Variants in FRMD4A observed in about 807,000 individuals in gnomAD.
FRMD4A encodes FERM domain containing 4A.
In FRMD4A, 29 loss-of-function variants were observed where a neutral mutation model predicts 129.1. That is an observed-to-expected ratio of 0.22 (90% CI 0.17 to 0.31). FRMD4A has a LOEUF of 0.31. Among genes scored for constraint, FRMD4A ranks in the 10% least tolerant of loss-of-function variants. FRMD4A has a pLI of 1.00. For missense variants in FRMD4A, 1,272 were observed against 1,375.8 expected (o/e 0.92, Z 1.19); for synonymous variants, 634 against 571.6 (o/e 1.11, Z -1.56).
chr10:13,660,956 G>A (rs749665120), intron 19 of FRMD4A, among the ~76,000 whole-genome samples: 1 of 152,118 alleles, frequency 6.6e-6, no homozygotes, highest in Non-Finnish European at 1.5e-5. Context: ...TCTGAGTTCT[G>A]GGAGAGTTTT....
chr10:13,702,690 G>A (rs189913484), intron 13 of FRMD4A, among the ~76,000 whole-genome samples: 63 of 152,112 alleles, frequency 4.1e-4, no homozygotes, highest in Admixed American at 2.0e-3. Flanking sequence ...AAACCTGGGG[G>A]TAATCAGGAC....
intron 2 of FRMD4A, among the ~76,000 whole-genome samples, chr10:14,015,251 CCCTT>C (rs1158447092): frequency 2.7e-5 from 3 of 109,596 alleles, no homozygotes; most frequent in Admixed American, 9.2e-5. Flanking sequence ...CTCCCTCCCT[CCCTT>C]CCTTCCTTTC....
intron 2 of FRMD4A, among the ~76,000 whole-genome samples, chr10:14,099,448 C>A (rs1454377643): frequency 1.3e-5 from 2 of 152,306 alleles, no homozygotes; most frequent in South Asian, 4.1e-4. Context: ...GCATAGCCAT[C>A]CCTCGGGGTA....
chr10:14,271,065 G>A (rs980106979), intron 2 of FRMD4A, among the ~76,000 whole-genome samples: 1 of 152,086 alleles, frequency 6.6e-6, no homozygotes, highest in Non-Finnish European at 1.5e-5. Context: ...AACACATGGC[G>A]GGCACAGGGA....
intron 2 of FRMD4A, among the ~76,000 whole-genome samples, chr10:14,234,779 G>A (rs1189422165): frequency 6.6e-6 from 1 of 152,200 alleles, no homozygotes; most frequent in Admixed American, 6.5e-5. Context: ...TCTCTATGGT[G>A]GGCATTCAGA....
At chr10:14,135,111 G>A (rs114334802) in intron 2 of FRMD4A, among the ~76,000 whole-genome samples, 1 of 152,328 alleles carries the variant, frequency 6.6e-6, no homozygotes, top group African/African-American at 2.4e-5. Context: ...TCCATCAGCA[G>A]TATTGAACTG....
At chr10:13,674,750 C>T (rs534547781) in intron 16 of FRMD4A, among the ~76,000 whole-genome samples, 161 bp downstream of exon 16, 2 of 152,312 alleles carry the variant, frequency 1.3e-5, no homozygotes, top group South Asian at 2.1e-4. Context: ...GGAGAGCGCT[C>T]GCCGCCCAGA....
chr10:13,660,490 CGAG>C lies in FRMD4A; in HGVS notation c.1721_1723del (p.Pro574del). ...AGGAGGCCTGTTGTGCGACGGTGGC[CGAG>C]GAGGGAGTCCCTTGTGAGGAGAATG... is the stretch of plus-strand genomic sequence containing the variant. On this transcript the variant is annotated inframe_deletion, in exon 20 of 25. Coordinates refer to ENST00000357447, the MANE Select transcript of FRMD4A (RefSeq NM_018027.5). 1.2e-6 allele frequency: 2 copies of C among 1,613,982 alleles called. No homozygotes were observed. The highest frequency in any genetic ancestry group is 1.7e-6 in the Non-Finnish European group (2 of 1,179,944).
chr10:14,142,821 T>TA (rs1839902462), intron 2 of FRMD4A, among the ~76,000 whole-genome samples: 1 of 152,152 alleles, frequency 6.6e-6, no homozygotes, highest in Admixed American at 6.5e-5. Context: ...GGAATCCAAT[T>TA]AAAAAATGGG....
At chr10:13,797,585 A>C (rs1043832960) in intron 4 of FRMD4A, among the ~76,000 whole-genome samples, 1 of 152,172 alleles carries the variant, frequency 6.6e-6, no homozygotes, top group African/African-American at 2.4e-5. Context: ...GCCATGGAAC[A>C]ACCAAGCTGA....
intron 2 of FRMD4A, among the ~76,000 whole-genome samples, chr10:14,271,984 T>A (rs1440076615): frequency 6.6e-6 from 1 of 152,018 alleles, no homozygotes; most frequent in Non-Finnish European, 1.5e-5. Flanking sequence ...ATAATTTAAT[T>A]TAGTTAATAA....
chr10:13,986,824 C>T (rs940216879), intron 2 of FRMD4A, among the ~76,000 whole-genome samples: 7 of 151,696 alleles, frequency 4.6e-5, no homozygotes, highest in Admixed American at 2.6e-4. Context: ...AGGAGAAGAA[C>T]CACTGCTGTA....
Position 13,667,932 on chromosome 10 carries a change from T to C in FRMD4A, c.1375-1607A>G, listed in dbSNP as rs1419928489. 5 of 152,340 alleles carry C rather than the reference T, an allele frequency of 3.3e-5. No individual in the cohort carries two copies. In the East Asian group the frequency reaches 7.7e-4, roughly 24 times the overall value. 9.4% of individuals were successfully genotyped at this position (152,340 alleles called of 1,614,324 possible). On this transcript the variant is annotated intron_variant, in intron 17 of 24. Transcript: ENST00000357447. ...GGAAATTCACAGACACGCTGAAATT[T>C]GATGGGAACTGATCTAGCCAAATAG...
At chr10:14,138,914 T>A (rs1466749936) in intron 2 of FRMD4A, among the ~76,000 whole-genome samples, 1 of 152,174 alleles carries the variant, frequency 6.6e-6, no homozygotes, top group Non-Finnish European at 1.5e-5. Flanking sequence ...CCATTGTCCT[T>A]GAGCCCTGTG....
At chr10:14,187,540 T>C (rs1842186642) in intron 2 of FRMD4A, among the ~76,000 whole-genome samples, 1 of 152,188 alleles carries the variant, frequency 6.6e-6, no homozygotes, top group Admixed American at 6.5e-5. Context: ...TTTCTCCATT[T>C]ACCCCCAAAT....
chr10:13,970,504 T>C (rs901895184), intron 2 of FRMD4A, among the ~76,000 whole-genome samples: 1 of 152,112 alleles, frequency 6.6e-6, no homozygotes, highest in Non-Finnish European at 1.5e-5. Flanking sequence ...AAATTACACC[T>C]AAAAATACAA....
At chr10:14,260,861 G>A (rs1284652895) in intron 2 of FRMD4A, among the ~76,000 whole-genome samples, 2 of 152,226 alleles carry the variant, frequency 1.3e-5, no homozygotes, top group South Asian at 4.1e-4. Context: ...AGCAAACAGA[G>A]TGGCATAAAA....
At chr10:14,037,818 G>A (rs1833572135) in intron 2 of FRMD4A, among the ~76,000 whole-genome samples, 1 of 152,084 alleles carries the variant, frequency 6.6e-6, no homozygotes, top group African/African-American at 2.4e-5. Flanking sequence ...GGTAAAAAAT[G>A]GCATCTCATT....
At chr10:14,185,672 G>A (rs1218728299) in intron 2 of FRMD4A, among the ~76,000 whole-genome samples, 3 of 152,102 alleles carry the variant, frequency 2.0e-5, no homozygotes, top group East Asian at 3.9e-4. Flanking sequence ...GTGCAGATGA[G>A]CAGAAGAGAG....
Sources: allele counts gnomAD v4.1 joint callset (sites outside exome capture counted in the v4.1 genomes callset), GRCh38; gene constraint gnomAD v4.1.1; transcripts MANE v1.5; gene names NCBI Gene and HGNC (gene_info 2026-07-23, HGNC 2026-07-21).